IQCM: variants seen among roughly 807,000 people sequenced by gnomAD.
IQCM encodes the protein IQ motif containing M.
In IQCM, 45 loss-of-function variants were observed where a neutral mutation model predicts 57.6. The observed-to-expected ratio is 0.78, with a 90% confidence interval of 0.62 to 1.00. IQCM has a LOEUF of 1.00. IQCM is among the 50% of genes least tolerant of loss of function. The pLI, the probability that IQCM is intolerant of heterozygous loss-of-function variation, is 0.00. For synonymous variants in IQCM, 148 were observed against 158.9 expected (o/e 0.93, Z 0.51); for missense variants, 468 against 511.6 (o/e 0.91, Z 0.82).
At chr4:149,713,525 T>A (rs1409940823) in intron 5 of IQCM, among the ~76,000 whole-genome samples, 1 of 152,200 alleles carries the variant, frequency 6.6e-6, no homozygotes, top group East Asian at 1.9e-4. Context: ...GTAATCATCC[T>A]CCACTTCTCA....
intron 7 of IQCM, among the ~76,000 whole-genome samples, chr4:149,651,819 G>A (rs893687564): frequency 6.6e-6 from 1 of 152,168 alleles, no homozygotes; most frequent in Non-Finnish European, 1.5e-5. Context: ...TGGTGAGGAT[G>A]TGAAGAAATA....
rs148142957 is a variant in IQCM, at chr4:149,670,151, G to A, written c.565+11967C>T. On this transcript the variant is annotated intron_variant, in intron 7 of 13. Coordinates refer to ENST00000636793, the MANE Select transcript of IQCM (RefSeq NM_001363507.2). ...ATTTGTTTGTGTCCTCTTTTATTTC[G>A]TTGAGCAGTGGTTTGTAGTTCTCCT... 4.3e-3 allele frequency among the ~76,000 whole-genome samples: 661 copies of A among 152,042 alleles called. 2 individuals carry two copies. The highest frequency in any genetic ancestry group is 0.015 in the African/African-American group (612 of 41,486).
intron 7 of IQCM, among the ~76,000 whole-genome samples, chr4:149,642,061 G>A (rs1449449182): frequency 6.6e-6 from 1 of 152,016 alleles, no homozygotes; most frequent in African/African-American, 2.4e-5. Context: ...AGTGAACGAG[G>A]GGGAAAAGAA....
intron 7 of IQCM, among the ~76,000 whole-genome samples, chr4:149,667,647 T>G (rs964002550): frequency 7.9e-5 from 12 of 152,100 alleles, no homozygotes; most frequent in Non-Finnish European, 1.6e-4. Flanking sequence ...TAAAGGAGCA[T>G]GTTCTAACCC....
intron 7 of IQCM, among the ~76,000 whole-genome samples, chr4:149,666,901 C>T (rs1440328896): frequency 6.6e-6 from 1 of 152,158 alleles, no homozygotes; most frequent in East Asian, 1.9e-4. Flanking sequence ...GGCAGGGCAT[C>T]TCTGAAAGAA....
chr4:149,549,183 C>T (rs761801226), intron 11 of IQCM, among the ~76,000 whole-genome samples: 16 of 152,176 alleles, frequency 1.1e-4, no homozygotes, highest in Non-Finnish European at 1.2e-4. Context: ...TATCACTTAT[C>T]TCCCATACTT....
intron 13 of IQCM, among the ~76,000 whole-genome samples, chr4:149,395,536 G>C (rs1449056346): frequency 2.0e-5 from 3 of 151,974 alleles, no homozygotes; most frequent in Non-Finnish European, 4.4e-5. Flanking sequence ...AAGTTTGGGA[G>C]ATATAAAAGT....
chr4:149,760,262 T>C (rs187574357), intron 2 of IQCM, among the ~76,000 whole-genome samples: 19 of 152,180 alleles, frequency 1.2e-4, no homozygotes, highest in Admixed American at 1.2e-3. Context: ...GCATGAAATA[T>C]ACCAACAAGA....
In IQCM at chr4:149,632,204, G is replaced by T. The variant is rs911912135; in HGVS notation, c.566-10960C>A. 9.9e-5 allele frequency among the ~76,000 whole-genome samples: 15 copies of T among 152,156 alleles called. 1 individual carries two copies. Among genetic ancestry groups the T allele is most frequent in the African/African-American group, 3.6e-4 (15 of 41,438 alleles). On this transcript the variant is annotated intron_variant, in intron 7 of 13. Coordinates refer to ENST00000636793, the MANE Select transcript of IQCM (RefSeq NM_001363507.2). ...TCACATATAAGCTCCATCACTAAAG[G>T]AAATTTCTACAGGTTTTGTAAAGAA...
intron 4 of IQCM, among the ~76,000 whole-genome samples, chr4:149,735,130 A>G (rs1766816680): frequency 6.6e-6 from 1 of 152,218 alleles, no homozygotes; most frequent in Non-Finnish European, 1.5e-5. Context: ...AAAAAAATTT[A>G]AATTGTATTA....
chr4:149,556,131 T>G (rs919982619), intron 10 of IQCM, among the ~76,000 whole-genome samples: 2 of 152,202 alleles, frequency 1.3e-5, no homozygotes, highest in Non-Finnish European at 2.9e-5. Flanking sequence ...AGAAAAAAAG[T>G]ACAAATTTCT....
intron 12 of IQCM, among the ~76,000 whole-genome samples, chr4:149,540,614 A>AGTGGG (rs1316636224): frequency 6.6e-6 from 1 of 152,120 alleles, no homozygotes; most frequent in Non-Finnish European, 1.5e-5. Flanking sequence ...GAAAATAAAA[A>AGTGGG]GTAAGTCTTA....
At chr4:149,734,287 G>A (rs903145023) in intron 4 of IQCM, among the ~76,000 whole-genome samples, 3 of 152,172 alleles carry the variant, frequency 2.0e-5, no homozygotes, top group Non-Finnish European at 4.4e-5. Context: ...TGGAACATTG[G>A]ACTGTTATTA....
chr4:149,694,064 T>C (rs893403617), intron 5 of IQCM, among the ~76,000 whole-genome samples: 9 of 152,148 alleles, frequency 5.9e-5, no homozygotes, highest in African/African-American at 2.2e-4. Flanking sequence ...CACTTCCTTA[T>C]AATACCCAGC....
At chr4:149,650,125 C>T (rs1759023481) in intron 7 of IQCM, among the ~76,000 whole-genome samples, 1 of 151,930 alleles carries the variant, frequency 6.6e-6, no homozygotes, top group South Asian at 2.1e-4. Flanking sequence ...CAGGATTTGA[C>T]CTCATTTCAA....
chr4:149,512,792 A>T (rs932811168), intron 12 of IQCM, among the ~76,000 whole-genome samples: 13 of 152,230 alleles, frequency 8.5e-5, no homozygotes, highest in African/African-American at 3.1e-4. Context: ...GTTCTGAATA[A>T]CTTTTATCTC....
In IQCM at chr4:149,500,580, T is replaced by C. The variant is rs140830238; in HGVS notation, c.1228+47875A>G. 3.9e-5 allele frequency among the ~76,000 whole-genome samples: 6 copies of C among 152,202 alleles called. No homozygotes were observed. In the East Asian group the frequency reaches 7.7e-4, roughly 20 times the overall value. On this transcript the variant is annotated intron_variant, in intron 12 of 13. Coordinates refer to ENST00000636793, the MANE Select transcript of IQCM (RefSeq NM_001363507.2). ...TTGAAAAGGTACCAAAAGACTGAGA[T>C]AGGCAAAAAGTGTCTCATCCCTTTT... is the stretch of plus-strand genomic sequence containing the variant.
intron 12 of IQCM, among the ~76,000 whole-genome samples, chr4:149,451,239 AT>A (rs1395992702): frequency 2.9e-4 from 44 of 151,870 alleles, no homozygotes; most frequent in Non-Finnish European, 1.0e-4. Flanking sequence ...GTACAAAAAA[AT>A]AAAAAGAATA....
chr4:149,408,186 A>C (rs188746181), intron 13 of IQCM, among the ~76,000 whole-genome samples: 1 of 152,204 alleles, frequency 6.6e-6, no homozygotes, highest in South Asian at 2.1e-4. Context: ...TTACAAAAAA[A>C]TAATGCCAGG....
Sources: gnomAD v4.1 joint callset for allele counts (sites outside exome capture counted in the v4.1 genomes callset) on GRCh38, gnomAD v4.1.1 for gene constraint, MANE v1.5 for transcripts, NCBI Gene and HGNC (gene_info 2026-07-23, HGNC 2026-07-21) for gene names.